CHN1: variants seen among roughly 807,000 people sequenced by gnomAD.
CHN1 encodes the protein N-chimaerin.
A neutral mutation model predicts 59.5 loss-of-function variants in CHN1; 37 were observed. The observed-to-expected ratio is 0.62, with a 90% CI of 0.48 to 0.82. The LOEUF is 0.82. Ranked by LOEUF, CHN1 falls within the 40% of genes least tolerant of loss-of-function variation. CHN1 has a pLI of 0.00. For synonymous variants in CHN1, 206 were observed against 200.4 expected, an observed-to-expected ratio of 1.03 and a Z score of -0.24; for missense variants, 469 against 571.0, an observed-to-expected ratio of 0.82 and a Z score of 1.82.
intron 6 of CHN1, among the ~76,000 whole-genome samples, chr2:174,876,265 A>T (rs1402588673): frequency 6.6e-6 from 1 of 152,264 alleles, no homozygotes; most frequent in Non-Finnish European, 1.5e-5. Flanking sequence ...GGTGTTGGAA[A>T]GCACGTTCAG....
chr2:174,834,580 T>G (rs1029879896), intron 7 of CHN1, among the ~76,000 whole-genome samples: 2 of 152,240 alleles, frequency 1.3e-5, no homozygotes, highest in African/African-American at 4.8e-5. Context: ...TTTGAAGATG[T>G]CACTCCATTG....
At chr2:174,841,000 A>AAGAC (rs1275640405) in intron 7 of CHN1, among the ~76,000 whole-genome samples, 1 of 152,180 alleles carries the variant, frequency 6.6e-6, no homozygotes, top group East Asian at 1.9e-4. Flanking sequence ...TTGGGGAATA[A>AAGAC]AGACAGATTA....
intron 10 of CHN1, among the ~76,000 whole-genome samples, chr2:174,810,746 T>TA (rs1229964303): frequency 6.6e-6 from 1 of 152,188 alleles, no homozygotes; most frequent in East Asian, 1.9e-4. Flanking sequence ...CTCTGTTGCC[T>TA]ACAAGAGGTC....
chr2:174,980,708 A>G (rs995690535), intron 1 of CHN1, among the ~76,000 whole-genome samples: 1 of 152,198 alleles, frequency 6.6e-6, no homozygotes, highest in African/African-American at 2.4e-5. Context: ...GTAGACATCT[A>G]AAAAGCATGA....
At chr2:174,801,286 C>A (rs75312945) in intron 12 of CHN1, among the ~76,000 whole-genome samples, 2 of 152,320 alleles carry the variant, frequency 1.3e-5, no homozygotes, top group South Asian at 2.1e-4. Context: ...AAAATCCTGT[C>A]ACCAAGTTTG....
chr2:174,887,265 T>C (rs1161019037), intron 5 of CHN1, among the ~76,000 whole-genome samples: 2 of 152,198 alleles, frequency 1.3e-5, no homozygotes, highest in Non-Finnish European at 2.9e-5. Flanking sequence ...AATGAAGATA[T>C]TAGGCATCAG....
At chr2:174,867,171 G>A (rs1203751959) in intron 6 of CHN1, among the ~76,000 whole-genome samples, 3 of 151,130 alleles carry the variant, frequency 2.0e-5, no homozygotes, top group Non-Finnish European at 2.9e-5. Flanking sequence ...CTCAGGAGTT[G>A]GAGACCAGCC....
chr2:174,836,766 T>C (rs1358502360), intron 7 of CHN1, among the ~76,000 whole-genome samples: 1 of 152,186 alleles, frequency 6.6e-6, no homozygotes, highest in Non-Finnish European at 1.5e-5. Context: ...AGCCAGTACA[T>C]TCCCTTCTCC....
At chr2:174,817,965 G>A (rs1029994350) in intron 8 of CHN1, among the ~76,000 whole-genome samples, 2 of 152,114 alleles carry the variant, frequency 1.3e-5, no homozygotes, top group African/African-American at 4.8e-5. Context: ...TAGAGATGGG[G>A]TTTCACCATA....
intron 6 of CHN1, among the ~76,000 whole-genome samples, chr2:174,872,932 G>C (rs1574111599): frequency 6.6e-6 from 1 of 152,078 alleles, no homozygotes; most frequent in African/African-American, 2.4e-5. Flanking sequence ...CAGAGTAATG[G>C]TATCCATAAT....
At chr2:175,002,189 T>C (rs974727078) in intron 1 of CHN1, among the ~76,000 whole-genome samples, 1 of 152,198 alleles carries the variant, frequency 6.6e-6, no homozygotes, top group South Asian at 2.1e-4. Flanking sequence ...ATTTAAAAAC[T>C]ATATCGAAGC....
chr2:174,976,781 T>C (rs891658043), intron 1 of CHN1, among the ~76,000 whole-genome samples: 3 of 152,336 alleles, frequency 2.0e-5, no homozygotes, highest in East Asian at 1.9e-4. Context: ...CCAATTAAAC[T>C]GATCAATCCA....
intron 6 of CHN1, among the ~76,000 whole-genome samples, chr2:174,863,572 A>C (rs1335175178): frequency 6.6e-6 from 1 of 152,074 alleles, no homozygotes; most frequent in Non-Finnish European, 1.5e-5. Context: ...TATTTTATAA[A>C]ATATATTTTA....
At chr2:174,977,989 C>G (rs1431670336) in intron 1 of CHN1, among the ~76,000 whole-genome samples, 1 of 151,566 alleles carries the variant, frequency 6.6e-6, no homozygotes, top group Non-Finnish European at 1.5e-5. Context: ...TGGAAGACCT[C>G]TAAGAAAAAA....
chr2:174,846,357 T>C, intron 7 of CHN1: 5 of 1,549,376 alleles, frequency 3.2e-6, no homozygotes, highest in Non-Finnish European at 4.4e-6. Flanking sequence ...AAGCTGCTAG[T>C]GTCAGCAGCA....
chr2:174,875,444 C>T (rs1687539027), intron 6 of CHN1, among the ~76,000 whole-genome samples: 1 of 152,176 alleles, frequency 6.6e-6, no homozygotes, highest in Admixed American at 6.5e-5. Flanking sequence ...AATACCTACA[C>T]TCCTTAAAGG....
chr2:174,877,918 G>T lies in CHN1; in HGVS notation c.471C>A (p.Tyr157Ter). 1 of 1,613,650 alleles carries T rather than the reference G, an allele frequency of 6.2e-7. No homozygotes were observed. The highest frequency in any genetic ancestry group is 8.5e-7 in the Non-Finnish European group (1 of 1,179,716). Reference sequence around the variant, plus strand: ...CTTTCAGGACTGGCATATGTTTTTTGTATGCTGGCTCTCTGTTTAAGGTTG... The same window carrying T: ...CTTTCAGGACTGGCATATGTTTTTTTTATGCTGGCTCTCTGTTTAAGGTTG... ...GYTTLNREPA[Y>*]KKHMPVLKET... The change falls in exon 6 of 13, where the codon TAC becomes TAA. Residue 157 changes from tyrosine to a stop codon, truncating the protein, a stop_gained. Coordinates refer to ENST00000409900, the MANE Select transcript of CHN1 (RefSeq NM_001822.7). LOFTEE classifies it high-confidence loss of function.
In CHN1 at chr2:174,913,701, CTGAAT is replaced by C. The variant is rs1178896021; in HGVS notation, c.260+1352_260+1356del. Among the ~76,000 whole-genome samples the C allele has an allele frequency of 2.0e-5, 3 of 152,156 alleles. No homozygotes were observed. The East Asian group carries it at 5.8e-4, about 29-fold the overall frequency. On this transcript the variant is annotated intron_variant, in intron 5 of 12. Coordinates refer to ENST00000409900, the MANE Select transcript of CHN1 (RefSeq NM_001822.7). ...TTTCAGCATTCAGTATGAAATAATA[CTGAAT>C]TGTATTCATTCTATTTAATAGAAAG... is the stretch of plus-strand genomic sequence containing the variant.
At chr2:174,891,016 C>T (rs1356698032) in intron 5 of CHN1, among the ~76,000 whole-genome samples, 2 of 150,384 alleles carry the variant, frequency 1.3e-5, no homozygotes, top group Non-Finnish European at 3.0e-5. Flanking sequence ...TAGTGGGCGC[C>T]TGTGGTCCCA....
Sources: allele counts gnomAD v4.1 joint callset (sites outside exome capture counted in the v4.1 genomes callset), GRCh38; gene constraint gnomAD v4.1.1; transcripts MANE v1.5; gene names NCBI Gene and HGNC (gene_info 2026-07-23, HGNC 2026-07-21).